The following SMIM36 variants were observed in gnomAD, a reference collection of about 807,000 sequenced individuals.
SMIM36 encodes the protein small integral membrane protein 36.
At chr17:55,451,735 C>T (rs935059770) in intron 4 of SMIM36, among the ~76,000 whole-genome samples, 32 of 152,112 alleles carry the variant, frequency 2.1e-4, no homozygotes, top group Admixed American at 1.6e-3. Flanking sequence ...ATTTCCTGCA[C>T]AAAAGATTTA....
chr17:55,529,895 C>A, the SMIM36 span, among the ~76,000 whole-genome samples: 1 of 152,230 alleles, frequency 6.6e-6, no homozygotes, highest in South Asian at 2.1e-4. Context: ...TCAGCTGTAG[C>A]AGATGAATCT....
At chr17:55,511,046 G>A (rs1028680826) in exon 1 of SMIM36, 1 of 398,362 alleles carries the variant, frequency 2.5e-6, no homozygotes, top group Non-Finnish European at 4.4e-6. Flanking sequence ...GTGTCCCTTA[G>A]CCAGCCTCAT....
chr17:55,493,965 G>T (rs555492930), intron 1 of SMIM36, among the ~76,000 whole-genome samples: 2 of 151,936 alleles, frequency 1.3e-5, no homozygotes, highest in South Asian at 2.1e-4. Flanking sequence ...CTTTCTCTCC[G>T]TGGCCTCATT....
At chr17:55,460,616 G>C (rs989835871) in intron 4 of SMIM36, among the ~76,000 whole-genome samples, 2 of 152,186 alleles carry the variant, frequency 1.3e-5, no homozygotes, top group African/African-American at 4.8e-5. Flanking sequence ...CCAGCACTTT[G>C]GGAGGCCGAG....
At chr17:55,476,854 A>C (rs1909435670) in intron 3 of SMIM36, among the ~76,000 whole-genome samples, 1 of 152,224 alleles carries the variant, frequency 6.6e-6, no homozygotes, top group Admixed American at 6.5e-5. Context: ...GGTGTGAGCC[A>C]CCATGCCCGG....
upstream of SMIM36, chr17:55,511,584 AAGAG>A (rs1215737194): frequency 3.2e-5 from 9 of 285,032 alleles, no homozygotes; most frequent in Admixed American, 5.2e-5. Context: ...CAGAGAGAGA[AAGAG>A]AGAGAGAGAG....
At chr17:55,515,784 G>C (rs1649094501), upstream of SMIM36, among the ~76,000 whole-genome samples, 1 of 152,222 alleles carries the variant, frequency 6.6e-6, no homozygotes, top group Non-Finnish European at 1.5e-5. Flanking sequence ...CTCCACAACT[G>C]TGAGAGAATA....
At chr17:55,470,544 C>T (rs1909325196) in intron 3 of SMIM36, among the ~76,000 whole-genome samples, 1 of 152,156 alleles carries the variant, frequency 6.6e-6, no homozygotes, top group African/African-American at 2.4e-5. Context: ...CCAACTTGAA[C>T]AACATCTTTT....
At chr17:55,474,352 T>G (rs7222375) in intron 3 of SMIM36, among the ~76,000 whole-genome samples, 1 of 151,882 alleles carries the variant, frequency 6.6e-6, no homozygotes, top group Non-Finnish European at 1.5e-5. Context: ...GCTTGAGTGA[T>G]GCGGATCCTG....
At chr17:55,457,324 A>G (rs921883652) in intron 4 of SMIM36, among the ~76,000 whole-genome samples, 3 of 150,924 alleles carry the variant, frequency 2.0e-5, no homozygotes, top group African/African-American at 7.3e-5. Flanking sequence ...GGTGGTGTGC[A>G]CCCGTAGTCC....
intron 4 of SMIM36, among the ~76,000 whole-genome samples, chr17:55,453,479 T>C (rs1429405175): frequency 6.6e-6 from 1 of 152,194 alleles, no homozygotes; most frequent in African/African-American, 2.4e-5. Context: ...AAATAAAATA[T>C]ACCAGGATCT....
intron 1 of SMIM36, among the ~76,000 whole-genome samples, chr17:55,497,412 G>A (rs982537290): frequency 2.6e-5 from 4 of 152,038 alleles, no homozygotes; most frequent in African/African-American, 9.7e-5. Context: ...TTACAGGCAA[G>A]CGCCACCACG....
intron 1 of SMIM36, among the ~76,000 whole-genome samples, chr17:55,481,170 C>G (rs977687572): frequency 6.6e-6 from 1 of 152,022 alleles, no homozygotes; most frequent in African/African-American, 2.4e-5. Context: ...CCAGATGGCA[C>G]TAAGACTTAA....
intron 2 of SMIM36, among the ~76,000 whole-genome samples, chr17:55,479,085 AG>A (rs1909474934): frequency 6.6e-6 from 1 of 152,164 alleles, no homozygotes; most frequent in South Asian, 2.1e-4. Flanking sequence ...CCAGGCATTG[AG>A]TCAGCTGCAG....
chr17:55,459,609 C>G (rs1326768552), intron 4 of SMIM36, among the ~76,000 whole-genome samples: 1 of 152,150 alleles, frequency 6.6e-6, no homozygotes, highest in Non-Finnish European at 1.5e-5. Flanking sequence ...GTTGATTATG[C>G]AATTATTTGT....
At chr17:55,466,124 A>C (rs931587796) in intron 4 of SMIM36, among the ~76,000 whole-genome samples, 20 of 151,968 alleles carry the variant, frequency 1.3e-4, no homozygotes, top group Admixed American at 1.3e-4. Flanking sequence ...CTAAAAATGC[A>C]AAATTAGCCT....
At chr17:55,481,448 A>T (rs1909519297) in intron 1 of SMIM36, among the ~76,000 whole-genome samples, 1 of 152,174 alleles carries the variant, frequency 6.6e-6, no homozygotes, top group Non-Finnish European at 1.5e-5. Flanking sequence ...TAAATTTAAG[A>T]GTAAATAATC....
chr17:55,522,072 G>A, the SMIM36 span, among the ~76,000 whole-genome samples: 5 of 152,084 alleles, frequency 3.3e-5, no homozygotes, highest in South Asian at 1.0e-3. Context: ...ATTCTTACAC[G>A]GGCAGTAAGG....
chr17:55,467,727 G>C (rs1042764207), intron 3 of SMIM36, among the ~76,000 whole-genome samples: 3 of 152,166 alleles, frequency 2.0e-5, no homozygotes, highest in Non-Finnish European at 4.4e-5. Context: ...AATGCAGGTT[G>C]AGTTTGCGAT....
Sources: allele counts gnomAD v4.1 joint callset (sites outside exome capture counted in the v4.1 genomes callset), GRCh38; gene constraint gnomAD v4.1.1; transcripts MANE v1.5; gene names NCBI Gene and HGNC (gene_info 2026-07-23, HGNC 2026-07-21).